GLP1R: variants seen among roughly 807,000 people sequenced by gnomAD.
The protein encoded by GLP1R is glucagon-like peptide 1 receptor.
A neutral mutation model predicts 68.4 loss-of-function variants in GLP1R; 32 were observed. The ratio of observed to expected loss-of-function variants is 0.47; its 90% CI spans 0.35 to 0.63. The LOEUF (loss-of-function observed/expected upper bound fraction) is 0.63. GLP1R is among the 20% of genes least tolerant of loss of function. The probability of loss-of-function intolerance (pLI) is 0.00; values close to 1 mark genes in which losing one functional copy is unlikely to be tolerated. For synonymous variants in GLP1R, 263 were observed against 244.4 expected, an observed-to-expected ratio of 1.08 and a Z score of -0.71; for missense variants, 502 against 594.9, an observed-to-expected ratio of 0.84 and a Z score of 1.62.
At chr6:39,069,863 G>A (rs1162942153) in intron 5 of GLP1R, among the ~76,000 whole-genome samples, 1 of 152,106 alleles carries the variant, frequency 6.6e-6, no homozygotes. Flanking sequence ...AAATACCTTA[G>A]ACTGGGTAAT....
chr6:39,083,293 C>T (rs1216235828), intron 12 of GLP1R, among the ~76,000 whole-genome samples: 2 of 152,198 alleles, frequency 1.3e-5, no homozygotes, highest in East Asian at 3.9e-4. Context: ...CTGGCTGCTC[C>T]AGGCACAAGG....
rs1246697215 is a variant in GLP1R at position 39,072,949 on chromosome 6, A to T, written c.597A>T (p.Ala199=). ...CATTGTCCGTCTTCATCAAGGACGC[A>T]GCCCTGAAGTGGATGTATAGCACAG... is the stretch of plus-strand genomic sequence containing the variant. ...LRALSVFIKD[A]ALKWMYSTAA... The change falls in exon 6 of 13, where the codon GCA becomes GCT. Residue 199 remains alanine, a synonymous_variant. Coordinates refer to ENST00000373256, the MANE Select transcript of GLP1R (RefSeq NM_002062.5). 1.2e-6 allele frequency: 2 copies of T among 1,614,100 alleles called. No individual in the cohort carries two copies. Among genetic ancestry groups the T allele is most frequent in the East Asian group, 2.2e-5 (1 of 44,886 alleles).
At position 39,088,150 on chromosome 6, in the gene GLP1R, A is replaced by C. The variant is rs1423813910; in HGVS notation, c.*2077A>C. 6.6e-6 allele frequency among the ~76,000 whole-genome samples: 1 copy of C among 152,170 alleles called. No homozygotes were observed. Among genetic ancestry groups the C allele is most frequent in the East Asian group, 1.9e-4 (1 of 5,188 alleles). On this transcript the variant is annotated 3_prime_UTR_variant, in exon 13 of 13. Transcript: ENST00000373256. ...AAACTGTAAGTAGAGTTGTCTTCCC[A>C]ACGAGAACTGGTGATTCCTGATTTC... is the stretch of plus-strand genomic sequence containing the variant.
intron 3 of GLP1R, among the ~76,000 whole-genome samples, chr6:39,060,860 G>C (rs1768341366): frequency 6.6e-6 from 1 of 152,222 alleles, no homozygotes. Flanking sequence ...GTGTGTGAGT[G>C]TGTGCATTGG....
At chr6:39,075,650 A>C (rs1265587828) in intron 7 of GLP1R, among the ~76,000 whole-genome samples, 1 of 152,056 alleles carries the variant, frequency 6.6e-6, no homozygotes, top group Admixed American at 6.6e-5. Flanking sequence ...GGGGTGGGGG[A>C]GACGGAGAGA....
At chr6:39,065,604 TG>T in intron 3 of GLP1R, 106 bp from the exon 4 acceptor site, 1 of 659,122 alleles carries the variant, frequency 1.5e-6, no homozygotes, top group Non-Finnish European at 2.7e-6. Flanking sequence ...TAGTCCATTC[TG>T]GGGGAGCAGG....
intron 5 of GLP1R, among the ~76,000 whole-genome samples, chr6:39,067,801 G>T (rs1042454213): frequency 6.6e-6 from 1 of 152,178 alleles, no homozygotes; most frequent in Non-Finnish European, 1.5e-5. Context: ...TTTAAATCAG[G>T]TATGTGTGAG....
chr6:39,077,315 C>T (rs1456772957), intron 7 of GLP1R, among the ~76,000 whole-genome samples: 1 of 152,214 alleles, frequency 6.6e-6, no homozygotes, highest in East Asian at 1.9e-4. Context: ...AGCCAGCTGT[C>T]ACCAGGGTTG....
Position 39,090,831 on chromosome 6 carries a change from G to A in GLP1R, c.*4758G>A, listed in dbSNP as rs1769263105. Among the ~76,000 whole-genome samples, 1 of 152,178 alleles carries A rather than the reference G, an allele frequency of 6.6e-6. No homozygotes were observed. Among genetic ancestry groups the A allele is most frequent in the Non-Finnish European group, 1.5e-5 (1 of 68,040 alleles). On this transcript the variant is annotated 3_prime_UTR_variant, in exon 13 of 13. Transcript: ENST00000373256. The stretch of plus-strand genomic sequence containing the variant: ...CACAATTTGAAACATATAAAAAGTT[G>A]AGTTCTTTGCAGGGGAGCCAACGGG...
chr6:39,054,494 G>T (rs773048961), intron 1 of GLP1R, among the ~76,000 whole-genome samples: 1 of 152,138 alleles, frequency 6.6e-6, no homozygotes, highest in African/African-American at 2.4e-5. Context: ...GGGAGACACA[G>T]CCCCGTCCTC....
chr6:39,058,943 G>A (rs1187981670), intron 3 of GLP1R, among the ~76,000 whole-genome samples: 7 of 152,254 alleles, frequency 4.6e-5, no homozygotes, highest in Admixed American at 2.6e-4. Context: ...GCGGGCATGA[G>A]GTTATGCTCT....
In GLP1R at chr6:39,085,225, T is replaced by G. The variant is rs948551972; in HGVS notation, c.1225-681T>G. Among the ~76,000 whole-genome samples, 41 of 152,272 alleles carry G rather than the reference T, an allele frequency of 2.7e-4. 1 individual carries two copies. The highest frequency in any genetic ancestry group is 2.5e-3 in the Admixed American group (38 of 15,306). On this transcript the variant is annotated intron_variant, in intron 12 of 12. Transcript: ENST00000373256. ...CAAGCATCAGCCCTCCTGAGAGGCT[T>G]TTCCTGATGGGGAGGCCAGAGCCCA...
At chr6:39,077,309 A>T (rs777731924) in intron 7 of GLP1R, among the ~76,000 whole-genome samples, 9 of 152,244 alleles carry the variant, frequency 5.9e-5, no homozygotes, top group African/African-American at 1.2e-4. Context: ...AGAAGCAGCC[A>T]GCTGTCACCA....
At chr6:39,053,184 C>T (rs547223046) in intron 1 of GLP1R, among the ~76,000 whole-genome samples, 2 of 152,186 alleles carry the variant, frequency 1.3e-5, no homozygotes, top group Non-Finnish European at 2.9e-5. Context: ...TTGTGAGGGA[C>T]AGGGACATCT....
intron 7 of GLP1R, among the ~76,000 whole-genome samples, chr6:39,076,176 CAG>C (rs1342451472): frequency 1.3e-5 from 2 of 152,156 alleles, no homozygotes; most frequent in African/African-American, 4.8e-5. Context: ...GAGGGATACC[CAG>C]AAGGAAGCTT....
At chr6:39,083,234 T>C (rs117958004) in intron 12 of GLP1R, among the ~76,000 whole-genome samples, 1 of 152,288 alleles carries the variant, frequency 6.6e-6, no homozygotes, top group East Asian at 1.9e-4. Flanking sequence ...CTGTCTCCCT[T>C]CAGAGCACCA....
intron 3 of GLP1R, among the ~76,000 whole-genome samples, chr6:39,065,303 C>A (rs1416098728): frequency 6.6e-6 from 1 of 152,204 alleles, no homozygotes; most frequent in East Asian, 1.9e-4. Context: ...GACTGCGGGG[C>A]AGGCACGGCT....
chr6:39,057,629 C>T, intron 3 of GLP1R, 50 bp downstream of exon 3: 1 of 1,070,400 alleles, frequency 9.3e-7, no homozygotes, highest in Non-Finnish European at 1.4e-6. Context: ...CAGTGGTGAA[C>T]CCCCTCCCCG....
rs767727320 is a variant in GLP1R, at chr6:39,089,615, C to CGT, written c.*3553_*3554dup. ...GCAAGGAAAGAACATTGCATGTGGG[C>CGT]GTGTGTGTGTGTATGTGTGTGCATG... On this transcript the variant is annotated 3_prime_UTR_variant, in exon 13 of 13. Transcript: ENST00000373256. The surrounding 1 kb of genome is among the most constrained non-coding windows in gnomAD (Gnocchi z 4.1). Among the ~76,000 whole-genome samples, 7 of 151,966 alleles carry CGT rather than the reference C, an allele frequency of 4.6e-5. No homozygotes were observed. The South Asian group carries it at 1.2e-3, about 27-fold the overall frequency.
Sources: allele counts gnomAD v4.1 joint callset (sites outside exome capture counted in the v4.1 genomes callset), GRCh38; gene constraint gnomAD v4.1.1; non-coding constraint Gnocchi (gnomAD v3.1); transcripts MANE v1.5; gene names NCBI Gene and HGNC (gene_info 2026-07-23, HGNC 2026-07-21).